ST6GALNAC3: variants seen among roughly 807,000 people sequenced by gnomAD.
The protein encoded by ST6GALNAC3 is ST6 N-acetylgalactosaminide alpha-2,6-sialyltransferase 3.
In ST6GALNAC3, 25 loss-of-function variants were observed where a neutral mutation model predicts 32.7. That is an observed-to-expected ratio of 0.76 (90% CI 0.56 to 1.07). The LOEUF is 1.07. Among genes scored for constraint, ST6GALNAC3 ranks in the 50% least tolerant of loss-of-function variants. ST6GALNAC3 has a pLI of 0.00. For synonymous variants in ST6GALNAC3, 129 were observed against 133.1 expected (o/e 0.97, Z 0.21); for missense variants, 355 against 382.4 (o/e 0.93, Z 0.60).
chr1:76,084,240 GGCGACTGATGAGCAAGTAATGA>G (rs1557599466), intron 1 of ST6GALNAC3, among the ~76,000 whole-genome samples: 1 of 152,206 alleles, frequency 6.6e-6, no homozygotes, highest in Non-Finnish European at 1.5e-5. Context: ...GCCAAAGGCT[GGCGACTGATGAGCAAGTAATGA>G]GTGCCTGACT....
chr1:76,381,854 C>T (rs1183391972), intron 2 of ST6GALNAC3, among the ~76,000 whole-genome samples: 4 of 152,084 alleles, frequency 2.6e-5, no homozygotes, highest in Non-Finnish European at 4.4e-5. Context: ...GAATTCTGCA[C>T]GTGACTTTCC....
chr1:76,342,386 T>C (rs1648119962), intron 2 of ST6GALNAC3, among the ~76,000 whole-genome samples: 1 of 152,204 alleles, frequency 6.6e-6, no homozygotes, highest in African/African-American at 2.4e-5. Context: ...TTCCTGACTT[T>C]TTAATGATCG....
intron 1 of ST6GALNAC3, among the ~76,000 whole-genome samples, chr1:76,257,248 T>C (rs1045110695): frequency 2.6e-5 from 4 of 152,172 alleles, no homozygotes; most frequent in Non-Finnish European, 5.9e-5. Context: ...AATCAAAATG[T>C]CTTGGTATTT....
rs531636254 is a variant in ST6GALNAC3, at chr1:76,478,920, G to A, written c.623+66503G>A. On this transcript the variant is annotated intron_variant, in intron 3 of 4. Transcript: ENST00000328299. Reference sequence around the variant, plus strand: ...TGGGACCACAGGTGCCCGCCACCACGCCCGGCTAATTTTTTTGTATTTTTA... The same window carrying A: ...TGGGACCACAGGTGCCCGCCACCACACCCGGCTAATTTTTTTGTATTTTTA... Among the ~76,000 whole-genome samples, 8 of 151,582 alleles carry A rather than the reference G, an allele frequency of 5.3e-5. No individual in the cohort carries two copies. The East Asian group carries it at 9.8e-4, about 19-fold the overall frequency.
At chr1:76,366,006 T>G (rs1650339297) in intron 2 of ST6GALNAC3, among the ~76,000 whole-genome samples, 1 of 152,206 alleles carries the variant, frequency 6.6e-6, no homozygotes, top group East Asian at 1.9e-4. Context: ...CAGGAAAAGC[T>G]ATTACCTTGC....
intron 3 of ST6GALNAC3, among the ~76,000 whole-genome samples, chr1:76,613,730 G>A (rs187300259): frequency 2.6e-5 from 4 of 152,312 alleles, no homozygotes; most frequent in South Asian, 2.1e-4. Context: ...CTCTGGCCAC[G>A]TAAGACGTGC....
intron 2 of ST6GALNAC3, among the ~76,000 whole-genome samples, chr1:76,367,685 C>T (rs1650484091): frequency 6.6e-6 from 1 of 152,150 alleles, no homozygotes; most frequent in East Asian, 1.9e-4. Flanking sequence ...GAGTGTGCCA[C>T]CTCCCTTCAG....
At chr1:76,240,658 G>A (rs139945717) in intron 1 of ST6GALNAC3, among the ~76,000 whole-genome samples, 1 of 152,146 alleles carries the variant, frequency 6.6e-6, no homozygotes, top group Non-Finnish European at 1.5e-5. Context: ...CAGCTGATCT[G>A]TCCCTCAGCT....
At chr1:76,180,543 T>G (rs973175801) in intron 1 of ST6GALNAC3, among the ~76,000 whole-genome samples, 1 of 152,126 alleles carries the variant, frequency 6.6e-6, no homozygotes, top group African/African-American at 2.4e-5. Context: ...TGTTGCCTTT[T>G]AGCCCACCAT....
chr1:76,097,872 T>C (rs770844496), intron 1 of ST6GALNAC3, among the ~76,000 whole-genome samples: 3 of 152,232 alleles, frequency 2.0e-5, no homozygotes, highest in African/African-American at 7.2e-5. Context: ...AGTGGTATTG[T>C]TGGGGCATAA....
intron 2 of ST6GALNAC3, among the ~76,000 whole-genome samples, chr1:76,403,566 C>T (rs1653591004): frequency 6.6e-6 from 1 of 152,096 alleles, no homozygotes. Context: ...AGGTGCCATC[C>T]TCAGAAATTG....
At chr1:76,383,113 G>A (rs1232994624) in intron 2 of ST6GALNAC3, among the ~76,000 whole-genome samples, 1 of 152,152 alleles carries the variant, frequency 6.6e-6, no homozygotes, top group African/African-American at 2.4e-5. Context: ...AGTCGATGAA[G>A]TGGCATCTTC....
At chr1:76,486,732 G>T (rs896731469) in intron 3 of ST6GALNAC3, among the ~76,000 whole-genome samples, 2 of 152,080 alleles carry the variant, frequency 1.3e-5, no homozygotes, top group African/African-American at 4.8e-5. Flanking sequence ...TACATTTAAG[G>T]TTAATATTGT....
intron 1 of ST6GALNAC3, among the ~76,000 whole-genome samples, chr1:76,114,782 G>A (rs1648341117): frequency 6.6e-6 from 1 of 152,100 alleles, no homozygotes; most frequent in South Asian, 2.1e-4. Flanking sequence ...GGTGGCTTAT[G>A]CCAGCACATG....
At chr1:76,575,095 T>C (rs1646779421) in intron 3 of ST6GALNAC3, among the ~76,000 whole-genome samples, 1 of 152,178 alleles carries the variant, frequency 6.6e-6, no homozygotes, top group African/African-American at 2.4e-5. Flanking sequence ...CAGAACATGT[T>C]GTCTTGGAGA....
intron 2 of ST6GALNAC3, among the ~76,000 whole-genome samples, chr1:76,344,184 G>A (rs541843886): frequency 5.9e-5 from 9 of 152,218 alleles, no homozygotes; most frequent in Admixed American, 1.3e-4. Flanking sequence ...GCCTTGCTGA[G>A]ATTTAATCTG....
At chr1:76,453,649 T>TA (rs1397206073) in intron 3 of ST6GALNAC3, among the ~76,000 whole-genome samples, 3 of 152,162 alleles carry the variant, frequency 2.0e-5, no homozygotes, top group Non-Finnish European at 4.4e-5. Context: ...GAGTGCTTGA[T>TA]ATAATTTCAA....
intron 3 of ST6GALNAC3, among the ~76,000 whole-genome samples, chr1:76,466,030 T>C (rs1658603170): frequency 6.6e-6 from 1 of 152,120 alleles, no homozygotes; most frequent in Non-Finnish European, 1.5e-5. Context: ...CACTGTAAAA[T>C]GTTTTATGAC....
intron 3 of ST6GALNAC3, among the ~76,000 whole-genome samples, chr1:76,553,825 G>A (rs1664768897): frequency 1.3e-5 from 2 of 152,158 alleles, no homozygotes; most frequent in South Asian, 4.1e-4. Flanking sequence ...ATTGCTTTTG[G>A]TGGTAAAATG....
Sources: gnomAD v4.1 joint callset for allele counts (sites outside exome capture counted in the v4.1 genomes callset) on GRCh38, gnomAD v4.1.1 for gene constraint, MANE v1.5 for transcripts, NCBI Gene and HGNC (gene_info 2026-07-23, HGNC 2026-07-21) for gene names.